BCL2L13: variants seen among roughly 807,000 people sequenced by gnomAD.
BCL2L13 encodes BCL2 like 13.
Under a neutral mutation model 25.8 loss-of-function variants are expected in BCL2L13, and 13 were observed. The ratio of observed to expected loss-of-function variants is 0.50; its 90% CI spans 0.33 to 0.80. BCL2L13 has a LOEUF of 0.80. Among genes scored for constraint, BCL2L13 ranks in the 30% least tolerant of loss-of-function variants. The probability of loss-of-function intolerance (pLI) is 0.02; values close to 1 mark genes in which losing one functional copy is unlikely to be tolerated. For synonymous variants in BCL2L13, 244 were observed against 230.3 expected, an observed-to-expected ratio of 1.06 and a Z score of -0.54; for missense variants, 504 against 574.9, an observed-to-expected ratio of 0.88 and a Z score of 1.26.
At chr22:17,636,947 A>C (rs1329255281), upstream of BCL2L13, among the ~76,000 whole-genome samples, 3 of 152,192 alleles carry the variant, frequency 2.0e-5, no homozygotes, top group Non-Finnish European at 2.9e-5. Context: ...TTTTAGGTAA[A>C]GTGTACATAC....
chr22:17,664,286 G>C (rs2059165927), intron 2 of BCL2L13, among the ~76,000 whole-genome samples: 1 of 152,172 alleles, frequency 6.6e-6, no homozygotes, highest in Non-Finnish European at 1.5e-5. Flanking sequence ...TGCCCAGCTG[G>C]CAGTCAAATC....
At chr22:17,689,826 G>C (rs2060051273) in intron 4 of BCL2L13, among the ~76,000 whole-genome samples, 2 of 134,924 alleles carry the variant, frequency 1.5e-5, no homozygotes, top group Admixed American at 1.6e-4. Flanking sequence ...CTGGGTGACA[G>C]AGCGAGACTC....
At chr22:17,641,763 T>G (rs1488576889) in intron 1 of BCL2L13, among the ~76,000 whole-genome samples, 1 of 151,730 alleles carries the variant, frequency 6.6e-6, no homozygotes, top group African/African-American at 2.4e-5. Flanking sequence ...TTGCCTATTC[T>G]GGAGATTTCA....
Position 17,656,335 on chromosome 22 carries a change from C to CTTTTTTTTTTTTTTTT in BCL2L13, c.121+521_121+536dup, listed in dbSNP as rs890631679. 4.1e-4 allele frequency among the ~76,000 whole-genome samples: 24 copies of CTTTTTTTTTTTTTTTT among 57,880 alleles called. 4 individuals carry two copies. Among genetic ancestry groups the CTTTTTTTTTTTTTTTT allele is most frequent in the East Asian group, 1.8e-3 (2 of 1,142 alleles). The allele number at this position is 57,880 out of a possible 152,430, so 38.0% of individuals were successfully genotyped here. On this transcript the variant is annotated intron_variant, in intron 2 of 6. Transcript: ENST00000317582. The stretch of plus-strand genomic sequence containing the variant: ...CAAAAGTATTTTTTTTCATTTTATT[C>CTTTTTTTTTTTTTTTT]TTTTTTTTTTTTTTTTTTTTTTTTT...
chr22:17,671,605 T>A (rs930293255), intron 2 of BCL2L13, among the ~76,000 whole-genome samples: 7 of 152,074 alleles, frequency 4.6e-5, no homozygotes, highest in East Asian at 3.9e-4. Flanking sequence ...TTATTTATTT[T>A]TTTTGTAGAG....
intron 6 of BCL2L13, among the ~76,000 whole-genome samples, chr22:17,715,126 A>T (rs1384452599): frequency 6.6e-4 from 2 of 3,012 alleles, no homozygotes; most frequent in African/African-American, 1.2e-3. Context: ...TTAATTTTAT[A>T]TATATATATA....
intron 1 of BCL2L13, among the ~76,000 whole-genome samples, chr22:17,629,603 A>T (rs1287141793): frequency 1.3e-5 from 2 of 152,162 alleles, no homozygotes; most frequent in Admixed American, 6.6e-5. Context: ...CTTTATCTTT[A>T]GGATAGACTG....
chr22:17,712,972 T>C (rs2060804146), intron 6 of BCL2L13, among the ~76,000 whole-genome samples: 1 of 152,208 alleles, frequency 6.6e-6, no homozygotes, highest in Admixed American at 6.5e-5. Flanking sequence ...CCTATGCCTG[T>C]TCATTGTGCC....
intron 6 of BCL2L13, among the ~76,000 whole-genome samples, chr22:17,705,093 C>T (rs2060551460): frequency 7.4e-6 from 1 of 134,484 alleles, no homozygotes; most frequent in South Asian, 2.7e-4. Flanking sequence ...GAAAACTGAG[C>T]ATTAAAGGTT....
At chr22:17,695,720 A>G (rs966388044) in intron 4 of BCL2L13, 1 of 153,324 alleles carries the variant, frequency 6.5e-6, no homozygotes, top group Non-Finnish European at 1.5e-5. Context: ...TTCCAGTGAC[A>G]TGTCTCTTTA....
At chr22:17,650,969 G>A (rs758350220) in intron 1 of BCL2L13, among the ~76,000 whole-genome samples, 7 of 144,414 alleles carry the variant, frequency 4.8e-5, no homozygotes, top group Admixed American at 1.4e-4. Flanking sequence ...GTGAGCCACC[G>A]CACCTCGTCG....
chr22:17,673,368 T>C (rs2059475668), intron 2 of BCL2L13, among the ~76,000 whole-genome samples: 1 of 148,380 alleles, frequency 6.7e-6, no homozygotes, highest in African/African-American at 2.5e-5. Context: ...TTTCTTTTTT[T>C]TTTTTTTTTT....
chr22:17,631,441 G>A (rs1314809879), intron 1 of BCL2L13, among the ~76,000 whole-genome samples: 2 of 151,506 alleles, frequency 1.3e-5, no homozygotes, highest in Admixed American at 6.6e-5. Context: ...TTCAGGTTAC[G>A]CATTATAGCA....
At chr22:17,722,378 G>GGTGTGTGTGTGT (rs71315401) in intron 6 of BCL2L13, among the ~76,000 whole-genome samples, 11 of 122,140 alleles carry the variant, frequency 9.0e-5, no homozygotes, top group South Asian at 2.3e-4. Context: ...AGACTACAGG[G>GGTGTGTGTGTGT]GTGTGTGTGT....
chr22:17,715,390 C>T (rs1157369474), intron 6 of BCL2L13, among the ~76,000 whole-genome samples: 1 of 150,294 alleles, frequency 6.7e-6, no homozygotes, highest in Non-Finnish European at 1.5e-5. Flanking sequence ...CTGTGTCACC[C>T]AGGGTAGTCT....
intron 6 of BCL2L13, among the ~76,000 whole-genome samples, chr22:17,714,321 G>T (rs1035634130): frequency 1.3e-5 from 2 of 151,386 alleles, no homozygotes; most frequent in Non-Finnish European, 2.9e-5. Context: ...GTGTGATGGC[G>T]CACACCTGTA....
intron 2 of BCL2L13, among the ~76,000 whole-genome samples, chr22:17,662,428 A>T (rs1181283549): frequency 6.6e-6 from 1 of 152,190 alleles, no homozygotes; most frequent in African/African-American, 2.4e-5. Flanking sequence ...CAGTGAGCTG[A>T]GATCGTGCCA....
rs924219550 is a variant in BCL2L13 at position 17,673,188 on chromosome 22, C to A, written c.122-10026C>A. Among the ~76,000 whole-genome samples the A allele has an allele frequency of 2.0e-5, 3 of 152,028 alleles. No individual in the cohort carries two copies. The South Asian group carries it at 6.2e-4, about 31-fold the overall frequency. ...TTCTATGATTCAGTCACTGATTAAA[C>A]TCTCATAAGTATGCAAGTAATAGTG... On this transcript the variant is annotated intron_variant, in intron 2 of 6. Coordinates refer to ENST00000317582, the MANE Select transcript of BCL2L13 (RefSeq NM_015367.4).
At chr22:17,713,286 T>A (rs1268315337) in intron 6 of BCL2L13, among the ~76,000 whole-genome samples, 3 of 152,130 alleles carry the variant, frequency 2.0e-5, no homozygotes, top group African/African-American at 7.2e-5. Context: ...CTGTACGTAC[T>A]AGTTAAACAC....
Sources: allele counts gnomAD v4.1 joint callset (sites outside exome capture counted in the v4.1 genomes callset), GRCh38; gene constraint gnomAD v4.1.1; transcripts MANE v1.5; gene names NCBI Gene and HGNC (gene_info 2026-07-23, HGNC 2026-07-21).